The following SLC39A12 variants were observed in gnomAD, a reference collection of about 807,000 sequenced individuals.
The protein encoded by SLC39A12 is solute carrier family 39 member 12, also known as zinc transporter ZIP12.
A neutral mutation model predicts 71.1 loss-of-function variants in SLC39A12; 63 were observed. The observed-to-expected ratio is 0.89, with a 90% confidence interval of 0.72 to 1.09. SLC39A12 has a LOEUF of 1.09. Among genes scored for constraint, SLC39A12 ranks in the 50% least tolerant of loss-of-function variants. The pLI is 0.00. For synonymous variants in SLC39A12, 351 were observed against 301.3 expected (o/e 1.16, Z -1.71); for missense variants, 892 against 812.6 (o/e 1.10, Z -1.19).
chr10:17,953,560 AG>A, intron 2 of SLC39A12, 23 bp downstream of exon 2: 1 of 1,612,098 alleles, frequency 6.2e-7, no homozygotes, highest in Non-Finnish European at 8.5e-7. Flanking sequence ...GAATGGGGTC[AG>A]GTATCAGGGC....
At chr10:18,021,725 T>C (rs529941576) in intron 12 of SLC39A12, among the ~76,000 whole-genome samples, 29 of 152,302 alleles carry the variant, frequency 1.9e-4, no homozygotes, top group African/African-American at 6.0e-4. Context: ...CAGTAGTCTA[T>C]GTACTTGAGT....
At chr10:18,036,655 G>C (rs1001811716) in intron 12 of SLC39A12, among the ~76,000 whole-genome samples, 2 of 150,144 alleles carry the variant, frequency 1.3e-5, no homozygotes, top group South Asian at 4.3e-4. Context: ...GTTCCTATTC[G>C]GCCATCTTGG....
intron 7 of SLC39A12, among the ~76,000 whole-genome samples, chr10:17,990,684 C>A (rs1377995159): frequency 1.3e-5 from 2 of 152,110 alleles, no homozygotes; most frequent in East Asian, 3.9e-4. Context: ...GGATTTCTTA[C>A]TTATCTGATA....
chr10:18,025,747 C>A (rs963216433), intron 12 of SLC39A12, among the ~76,000 whole-genome samples: 5 of 152,134 alleles, frequency 3.3e-5, no homozygotes, highest in African/African-American at 1.2e-4. Flanking sequence ...GGGTATTATA[C>A]CCAGTAATGG....
chr10:18,036,097 T>C (rs1176372907), intron 12 of SLC39A12, among the ~76,000 whole-genome samples: 2 of 152,214 alleles, frequency 1.3e-5, no homozygotes, highest in Non-Finnish European at 2.9e-5. Flanking sequence ...ACTGCTGTCT[T>C]TTTGTTTGTC....
intron 12 of SLC39A12, among the ~76,000 whole-genome samples, chr10:18,019,916 T>A (rs182406435): frequency 2.6e-5 from 4 of 152,220 alleles, no homozygotes; most frequent in Admixed American, 1.3e-4. Flanking sequence ...GTCAATTATG[T>A]CCAATTGATT....
intron 7 of SLC39A12, among the ~76,000 whole-genome samples, chr10:17,988,758 C>T (rs1374768136): frequency 2.0e-5 from 3 of 152,158 alleles, no homozygotes; most frequent in Admixed American, 6.5e-5. Flanking sequence ...CTCCGGCGTC[C>T]GCTCTAGAAG....
At chr10:17,952,491 CT>C (rs11288880) in intron 1 of SLC39A12, among the ~76,000 whole-genome samples, 42,342 of 127,926 alleles carry the variant, frequency 0.33, 5,900 homozygotes, top group Admixed American at 0.37. Context: ...TTTCTTTTTT[CT>C]TTTTTTTTTT....
At chr10:18,023,840 A>G (rs774840481) in intron 12 of SLC39A12, among the ~76,000 whole-genome samples, 21 of 152,132 alleles carry the variant, frequency 1.4e-4, no homozygotes, top group Non-Finnish European at 2.8e-4. Flanking sequence ...AGGTTGGGAC[A>G]AGGAGGCTGT....
chr10:18,005,403 G>A (rs969934833), intron 12 of SLC39A12: 1 of 152,198 alleles, frequency 6.6e-6, no homozygotes, highest in African/African-American at 2.4e-5. Context: ...AAACTAAACA[G>A]TCTTGAAGGT....
intron 12 of SLC39A12, among the ~76,000 whole-genome samples, chr10:18,037,977 ACCAATGCACT>A (rs1404927371): frequency 1.4e-5 from 2 of 139,160 alleles, no homozygotes; most frequent in Admixed American, 1.6e-4. Context: ...CCAAGATCAC[ACCAATGCACT>A]CCAGCCTAGT....
At chr10:18,005,151 T>C (rs969396172) in intron 12 of SLC39A12, among the ~76,000 whole-genome samples, 3 of 151,998 alleles carry the variant, frequency 2.0e-5, no homozygotes, top group Non-Finnish European at 4.4e-5. Context: ...GATGGGTTGA[T>C]AGGTGCAGCA....
At chr10:17,953,603 G>A in intron 2 of SLC39A12, 66 bp downstream of exon 2, 14 of 1,534,162 alleles carry the variant, frequency 9.1e-6, no homozygotes, top group Non-Finnish European at 3.5e-6. Flanking sequence ...ATTCTATAGG[G>A]ATTTATTTCA....
intron 7 of SLC39A12, among the ~76,000 whole-genome samples, chr10:17,987,915 T>A (rs573860158): frequency 6.6e-6 from 1 of 152,182 alleles, no homozygotes; most frequent in Admixed American, 6.5e-5. Context: ...GGCTCACACC[T>A]GTAATCCCAG....
chr10:18,030,146 TA>T (rs764895881), intron 12 of SLC39A12, among the ~76,000 whole-genome samples: 3 of 152,158 alleles, frequency 2.0e-5, no homozygotes, highest in Non-Finnish European at 4.4e-5. Context: ...AAAGTTCACA[TA>T]GGCCACCGAA....
Position 18,000,711 on chromosome 10 carries a change from A to G in SLC39A12, c.1645A>G (p.Ser549Gly). 2 of 1,614,194 alleles carry G rather than the reference A, an allele frequency of 1.2e-6. No individual in the cohort carries two copies. Among genetic ancestry groups the G allele is most frequent in the South Asian group, 1.1e-5 (1 of 91,086 alleles). Reference protein sequence around the residue: ...LLAIMILVGDSLHNFADGLAI... With the variant: ...LLAIMILVGDGLHNFADGLAI... ...AGCAATCATGATTCTGGTTGGGGAC[A>G]GCCTGCATAATTTTGCAGATGGCCT... The change falls in exon 11 of 13, where the codon AGC becomes GGC. Residue 549 changes from serine (S) to glycine (G), a missense_variant. Physicochemically the swap from Ser to Gly is moderately conservative, Grantham distance 56. Transcript: ENST00000377369.
chr10:17,985,726 C>T lies in SLC39A12; in HGVS notation c.1097-1753C>T, dbSNP rs937824894. Among the ~76,000 whole-genome samples the T allele has an allele frequency of 1.2e-4, 18 of 152,146 alleles. No individual in the cohort carries two copies. The East Asian group carries it at 3.3e-3, about 28-fold the overall frequency. The stretch of plus-strand genomic sequence containing the variant: ...GTTGTCTGTACTTGATTCTGAAAGT[C>T]ATTTCCTCCCTCTCTTTTAATCTTA... On this transcript the variant is annotated intron_variant, in intron 6 of 12. Transcript: ENST00000377369.
intron 2 of SLC39A12, 105 bp from the exon 3 acceptor site, chr10:17,961,476 T>C (rs2130778891): frequency 8.9e-7 from 1 of 1,128,912 alleles, no homozygotes. Context: ...TTTTCCTTTC[T>C]GTTTATAAAA....
At chr10:17,953,989 C>T (rs1025265719) in intron 2 of SLC39A12, among the ~76,000 whole-genome samples, 12 of 152,132 alleles carry the variant, frequency 7.9e-5, no homozygotes, top group African/African-American at 2.9e-4. Flanking sequence ...TTATGCATGG[C>T]GGGTAGTTAA....
Sources: allele counts gnomAD v4.1 joint callset (sites outside exome capture counted in the v4.1 genomes callset), GRCh38; gene constraint gnomAD v4.1.1; transcripts MANE v1.5; gene names NCBI Gene and HGNC (gene_info 2026-07-23, HGNC 2026-07-21).